Variants in NAA11 observed in about 807,000 individuals in gnomAD.
The protein encoded by NAA11 is N-alpha-acetyltransferase 11.
In NAA11, 15 loss-of-function variants were observed where a neutral mutation model predicts 16.1. The observed-to-expected ratio is 0.93, with a 90% CI of 0.62 to 1.44. The LOEUF (loss-of-function observed/expected upper bound fraction) is 1.44. NAA11 is among the 40% of genes most tolerant of loss of function. NAA11 has a pLI of 0.00. For missense variants in NAA11, 298 were observed against 291.3 expected (o/e 1.02, Z -0.17); for synonymous variants, 122 against 112.4 (o/e 1.09, Z -0.54).
intron 2 of NAA11, chr4:79,244,753 G>C (rs1721770482): frequency 1.3e-5 from 2 of 152,040 alleles, no homozygotes; most frequent in South Asian, 2.1e-4. Flanking sequence ...TCAGCCTGCC[G>C]AGTGCCTGGG....
At chr4:79,156,325 G>GTATA in the NAA11 span, among the ~76,000 whole-genome samples, 20 of 39,802 alleles carry the variant, frequency 5.0e-4, no homozygotes, top group African/African-American at 2.3e-3. Context: ...GTGTGTGTGT[G>GTATA]TGTGTATATA....
In NAA11 at chr4:79,325,494, A is replaced by C; in HGVS notation, c.384T>G (p.Phe128Leu). The change falls in exon 1 of 2, where the codon TTT becomes TTG. Residue 128 changes from phenylalanine to leucine, a missense_variant. By Grantham distance (22) the Phe-to-Leu change is conservative. Coordinates refer to ENST00000286794, the MANE Select transcript of NAA11 (RefSeq NM_032693.3). Reference protein sequence around the residue: ...ALHLYSNTLNFQISEVEPKYY... With the variant: ...ALHLYSNTLNLQISEVEPKYY... ...ATTTAGGTTCCACCTCACTAATCTG[A>C]AAGTTGAGGGTGTTAGAATAAAGGT... 6.2e-7 allele frequency: 1 copy of C among 1,614,154 alleles called. No homozygotes were observed. The highest frequency in any genetic ancestry group is 8.5e-7 in the Non-Finnish European group (1 of 1,180,028).
rs547550285 is a variant in NAA11, at chr4:79,232,472, T to A, written c.*123-6202A>T. 3.9e-5 allele frequency among the ~76,000 whole-genome samples: 6 copies of A among 152,046 alleles called. No homozygotes were observed. The South Asian group carries it at 1.0e-3, about 26-fold the overall frequency. The stretch of plus-strand genomic sequence containing the variant: ...GCTCACAGCATTCTTCAGAAGCACA[T>A]AAAGCTTCATCCACATGTTAAAAAC... On this transcript the variant is annotated intron_variant and NMD_transcript_variant, in intron 2 of 2. Transcript: ENST00000511542.
chr4:79,192,287 T>C, the NAA11 span, among the ~76,000 whole-genome samples: 9 of 152,084 alleles, frequency 5.9e-5, no homozygotes, highest in Non-Finnish European at 1.2e-4. Context: ...TGCAGGTTTG[T>C]TACATATGTA....
intron 2 of NAA11, among the ~76,000 whole-genome samples, chr4:79,285,563 T>G (rs1277967810): frequency 6.6e-6 from 1 of 151,996 alleles, no homozygotes; most frequent in Admixed American, 6.6e-5. Context: ...TTAAAGACTT[T>G]GGAAATTAAT....
intron 2 of NAA11, among the ~76,000 whole-genome samples, chr4:79,277,569 T>G (rs537362056): frequency 6.6e-6 from 1 of 152,186 alleles, no homozygotes; most frequent in African/African-American, 2.4e-5. Context: ...AAACTTAACT[T>G]CCTCGTAAAG....
chr4:79,285,897 T>A (rs1180033448), intron 2 of NAA11, among the ~76,000 whole-genome samples: 1 of 152,058 alleles, frequency 6.6e-6, no homozygotes, highest in Non-Finnish European at 1.5e-5. Context: ...GGCATTCAAA[T>A]ATTCCATTTT....
intron 2 of NAA11, among the ~76,000 whole-genome samples, chr4:79,292,012 A>G (rs964002853): frequency 6.6e-6 from 1 of 152,286 alleles, no homozygotes; most frequent in South Asian, 2.1e-4. Flanking sequence ...CACTATTTGG[A>G]GAGAGAGATG....
chr4:79,206,059 G>A, the NAA11 span, among the ~76,000 whole-genome samples: 3 of 151,934 alleles, frequency 2.0e-5, no homozygotes, highest in Admixed American at 2.0e-4. Context: ...CTCTTCATTC[G>A]TTCATTTTGC....
At chr4:79,199,372 C>T in the NAA11 span, among the ~76,000 whole-genome samples, 41 of 151,862 alleles carry the variant, frequency 2.7e-4, no homozygotes, top group Non-Finnish European at 4.6e-4. Context: ...AGACGCACAG[C>T]AGTAAAAAGT....
chr4:79,171,620 T>C, the NAA11 span, among the ~76,000 whole-genome samples: 4 of 152,188 alleles, frequency 2.6e-5, no homozygotes, highest in African/African-American at 9.7e-5. Context: ...CTCATATGGA[T>C]TTATAATGAA....
At chr4:79,247,830 C>T (rs78035690) in intron 2 of NAA11, among the ~76,000 whole-genome samples, 3,537 of 152,140 alleles carry the variant, frequency 0.023, 98 homozygotes, top group African/African-American at 0.065. Flanking sequence ...GGAATCTTGG[C>T]GGCAGAAGAC....
chr4:79,222,874 G>T (rs1402701924), downstream of NAA11, among the ~76,000 whole-genome samples: 2 of 152,038 alleles, frequency 1.3e-5, no homozygotes, highest in Non-Finnish European at 2.9e-5. Context: ...CATCTATGCA[G>T]CCAAAAGACA....
chr4:79,308,456 T>C (rs1042972348), intron 1 of NAA11: 1 of 152,112 alleles, frequency 6.6e-6, no homozygotes, highest in African/African-American at 2.4e-5. Context: ...TGTACCGATT[T>C]ATATGAAAAT....
At chr4:79,263,078 T>A (rs1178697635) in intron 2 of NAA11, among the ~76,000 whole-genome samples, 1 of 152,078 alleles carries the variant, frequency 6.6e-6, no homozygotes, top group Non-Finnish European at 1.5e-5. Context: ...ATAATTTAGA[T>A]AAGGGAGAGA....
the NAA11 span, among the ~76,000 whole-genome samples, chr4:79,213,769 CCTTTA>C: frequency 6.6e-6 from 1 of 152,086 alleles, no homozygotes; most frequent in Non-Finnish European, 1.5e-5. Flanking sequence ...TCCCTTATGT[CCTTTA>C]CTTCTCCACT....
At chr4:79,160,454 C>G in the NAA11 span, among the ~76,000 whole-genome samples, 1 of 152,208 alleles carries the variant, frequency 6.6e-6, no homozygotes, top group Non-Finnish European at 1.5e-5. Flanking sequence ...TTTTCCACAG[C>G]AGCTGCACCA....
chr4:79,169,827 C>A, the NAA11 span, among the ~76,000 whole-genome samples: 3 of 152,176 alleles, frequency 2.0e-5, no homozygotes, highest in Non-Finnish European at 4.4e-5. Flanking sequence ...CAATCACTTC[C>A]CACCAGGCTC....
chr4:79,303,711 T>A (rs1352916530), intron 1 of NAA11, among the ~76,000 whole-genome samples: 1 of 152,212 alleles, frequency 6.6e-6, no homozygotes, highest in African/African-American at 2.4e-5. Context: ...TTGACTTGGG[T>A]AATGGACGTT....
Sources: gnomAD v4.1 joint callset for allele counts (sites outside exome capture counted in the v4.1 genomes callset) on GRCh38, gnomAD v4.1.1 for gene constraint, MANE v1.5 for transcripts, NCBI Gene and HGNC (gene_info 2026-07-23, HGNC 2026-07-21) for gene names.